SLC24A2: variants seen among roughly 807,000 people sequenced by gnomAD.
SLC24A2 encodes sodium/potassium/calcium exchanger 2.
SLC24A2 carries 36 observed loss-of-function variants against 62.0 expected under a neutral mutation model. That is an observed-to-expected ratio of 0.58 (90% CI 0.44 to 0.77). SLC24A2 has a LOEUF of 0.77. Ranked by LOEUF, SLC24A2 falls within the 30% of genes least tolerant of loss-of-function variation. The pLI is 0.00. For missense variants in SLC24A2, 846 were observed against 817.9 expected, an observed-to-expected ratio of 1.03 and a Z score of -0.42; for synonymous variants, 358 against 294.0, an observed-to-expected ratio of 1.22 and a Z score of -2.23.
At chr9:19,945,372 C>T in the SLC24A2 span, among the ~76,000 whole-genome samples, 7 of 152,108 alleles carry the variant, frequency 4.6e-5, no homozygotes, top group East Asian at 1.9e-4. Flanking sequence ...GGGCACAGCA[C>T]GCCTGTGGAA....
At chr9:19,674,128 G>A (rs1250361735) in intron 2 of SLC24A2, among the ~76,000 whole-genome samples, 1 of 152,110 alleles carries the variant, frequency 6.6e-6, no homozygotes, top group East Asian at 1.9e-4. Flanking sequence ...CTTCACTTAT[G>A]AAGCTTAGTT....
At chr9:19,649,738 A>T (rs192948430) in intron 2 of SLC24A2, among the ~76,000 whole-genome samples, 24 of 152,228 alleles carry the variant, frequency 1.6e-4, no homozygotes, top group Non-Finnish European at 1.5e-4. Context: ...AAATATGGAC[A>T]GCGGAAAGAA....
upstream of SLC24A2, among the ~76,000 whole-genome samples, chr9:19,791,357 G>A (rs965358340): frequency 2.0e-5 from 3 of 152,186 alleles, no homozygotes; most frequent in African/African-American, 7.2e-5. Context: ...CACTGATCAC[G>A]ACTTGGTCAC....
At chr9:19,770,576 C>A (rs1406103513) in intron 2 of SLC24A2, among the ~76,000 whole-genome samples, 1 of 152,166 alleles carries the variant, frequency 6.6e-6, no homozygotes, top group Non-Finnish European at 1.5e-5. Context: ...AACTATCATA[C>A]TATCCTACAA....
At chr9:20,297,457 G>A in the SLC24A2 span, among the ~76,000 whole-genome samples, 52 of 152,330 alleles carry the variant, frequency 3.4e-4, no homozygotes, top group African/African-American at 1.2e-3. Context: ...TGGGATGGGA[G>A]GAAGGAATAT....
the SLC24A2 span, among the ~76,000 whole-genome samples, chr9:20,053,851 G>T: frequency 6.6e-6 from 1 of 152,188 alleles, no homozygotes; most frequent in Non-Finnish European, 1.5e-5. Flanking sequence ...TGTAATGGCT[G>T]CCCAAACATA....
chr9:20,213,670 TTAATA>T, the SLC24A2 span, among the ~76,000 whole-genome samples: 1 of 152,180 alleles, frequency 6.6e-6, no homozygotes, highest in African/African-American at 2.4e-5. Flanking sequence ...CAATTTTGTG[TTAATA>T]TAATAATAAA....
chr9:20,274,216 T>G, the SLC24A2 span, among the ~76,000 whole-genome samples: 6 of 152,114 alleles, frequency 3.9e-5, no homozygotes, highest in Middle Eastern at 3.2e-3. Flanking sequence ...TGTTGTGGCT[T>G]CAAGGACTAT....
the SLC24A2 span, among the ~76,000 whole-genome samples, chr9:20,231,118 G>A: frequency 2.6e-5 from 4 of 152,162 alleles, no homozygotes; most frequent in Non-Finnish European, 4.4e-5. Flanking sequence ...CCAGTACCAT[G>A]TTGTTTTGGT....
At chr9:19,667,525 T>C (rs553735698) in intron 2 of SLC24A2, among the ~76,000 whole-genome samples, 85 of 152,256 alleles carry the variant, frequency 5.6e-4, no homozygotes, top group African/African-American at 1.9e-3. Context: ...GACCAAGTGT[T>C]CTTGAACTTC....
the SLC24A2 span, among the ~76,000 whole-genome samples, chr9:20,048,762 A>T: frequency 6.6e-6 from 1 of 152,184 alleles, no homozygotes; most frequent in Middle Eastern, 3.4e-3. Flanking sequence ...AAAAAATCTC[A>T]ATATTTCCAG....
At chr9:19,934,331 A>C in the SLC24A2 span, among the ~76,000 whole-genome samples, 1 of 152,260 alleles carries the variant, frequency 6.6e-6, no homozygotes, top group Admixed American at 6.5e-5. The surrounding 1 kb of genome is among the most constrained non-coding windows in gnomAD (Gnocchi z 4.1). Context: ...GGCAGGAAGC[A>C]AACAGGTGGC....
At chr9:19,530,711 T>C (rs1389051517) in intron 8 of SLC24A2, among the ~76,000 whole-genome samples, 2 of 152,182 alleles carry the variant, frequency 1.3e-5, no homozygotes, top group Non-Finnish European at 2.9e-5. Context: ...TGATTCTTAA[T>C]CAAGAAGCCA....
chr9:19,830,426 C>G, the SLC24A2 span, among the ~76,000 whole-genome samples: 1 of 152,200 alleles, frequency 6.6e-6, no homozygotes, highest in Non-Finnish European at 1.5e-5. Flanking sequence ...CACCATACCA[C>G]TGTGAGATAA....
At chr9:19,679,852 G>C (rs1245259527) in intron 2 of SLC24A2, among the ~76,000 whole-genome samples, 3 of 133,518 alleles carry the variant, frequency 2.2e-5, no homozygotes, top group East Asian at 4.9e-4. Flanking sequence ...GTGTGTGTGT[G>C]TGTGTGTGTG....
At chr9:19,873,497 CTT>C in the SLC24A2 span, among the ~76,000 whole-genome samples, 3 of 137,468 alleles carry the variant, frequency 2.2e-5, no homozygotes, top group African/African-American at 9.2e-5. Flanking sequence ...CCTTCTCTTT[CTT>C]TCTTTCTTTT....
chr9:20,050,943 A>G, the SLC24A2 span, among the ~76,000 whole-genome samples: 16 of 152,344 alleles, frequency 1.1e-4, 1 homozygote, highest in South Asian at 3.1e-3. Context: ...CTAGAAAAAA[A>G]GTTAAATAAT....
intron 2 of SLC24A2, among the ~76,000 whole-genome samples, chr9:19,722,458 G>GAC (rs1003976729): frequency 2.6e-5 from 4 of 151,966 alleles, no homozygotes; most frequent in Non-Finnish European, 5.9e-5. Context: ...TTACATCTTT[G>GAC]ACAGAAAAGC....
the SLC24A2 span, among the ~76,000 whole-genome samples, chr9:20,133,873 A>G: frequency 1.3e-5 from 2 of 152,296 alleles, no homozygotes; most frequent in East Asian, 1.9e-4. Context: ...ACAAATACCT[A>G]TGAGAAGTAT....
Sources: gnomAD v4.1 joint callset for allele counts (sites outside exome capture counted in the v4.1 genomes callset) on GRCh38, gnomAD v4.1.1 for gene constraint, Gnocchi (gnomAD v3.1) non-coding constraint, MANE v1.5 for transcripts, NCBI Gene and HGNC (gene_info 2026-07-23, HGNC 2026-07-21) for gene names.